Variants in ALPK1 observed in about 807,000 individuals in gnomAD.
ALPK1 encodes the protein alpha-protein kinase 1.
A neutral mutation model predicts 120.6 loss-of-function variants in ALPK1; 110 were observed. That is an observed-to-expected ratio of 0.91 (90% CI 0.78 to 1.07). The LOEUF is 1.07. Ranked by LOEUF, ALPK1 falls within the 50% of genes least tolerant of loss-of-function variation. ALPK1 has a pLI of 0.00. For missense variants in ALPK1, 1,498 were observed against 1,483.9 expected, an observed-to-expected ratio of 1.01 and a Z score of -0.16; for synonymous variants, 582 against 560.3, an observed-to-expected ratio of 1.04 and a Z score of -0.55.
At chr4:112,359,588 C>T in intron 2 of ALPK1, 1 of 250,450 alleles carries the variant, frequency 4.0e-6, no homozygotes, top group Non-Finnish European at 8.0e-6. Context: ...CCCAACCAGA[C>T]CGCTCATGGT....
In ALPK1 at chr4:112,312,091, T is replaced by C. The variant is rs958647232; in HGVS notation, c.-152-3710T>C. 3.3e-5 allele frequency among the ~76,000 whole-genome samples: 5 copies of C among 152,204 alleles called. No individual in the cohort carries two copies. The South Asian group carries it at 8.3e-4, about 25-fold the overall frequency. ...TACTTAGCTAAATTTTGAAAACTTA[T>C]ACTTTTTAAAACTTCATTATAAATA... On this transcript the variant is annotated intron_variant, in intron 1 of 15. Transcript: ENST00000650871.
chr4:112,314,344 G>T (rs974472019), intron 1 of ALPK1, among the ~76,000 whole-genome samples: 9 of 151,704 alleles, frequency 5.9e-5, no homozygotes, highest in African/African-American at 2.2e-4. Flanking sequence ...ATCCATAGAG[G>T]TCCCAGTGGG....
At chr4:112,395,852 C>T (rs1370003473) in intron 4 of ALPK1, among the ~76,000 whole-genome samples, 9 of 152,068 alleles carry the variant, frequency 5.9e-5, no homozygotes, top group African/African-American at 2.2e-4. Context: ...TACAAATTCA[C>T]ATCACTCACA....
At chr4:112,311,260 G>A (rs186538018) in intron 1 of ALPK1, among the ~76,000 whole-genome samples, 45 of 152,296 alleles carry the variant, frequency 3.0e-4, no homozygotes, top group Non-Finnish European at 5.4e-4. Flanking sequence ...CTGTTCACCA[G>A]TGCTGAATAA....
intron 4 of ALPK1, among the ~76,000 whole-genome samples, chr4:112,386,343 G>GA (rs1242692784): frequency 6.6e-6 from 1 of 152,090 alleles, no homozygotes; most frequent in East Asian, 1.9e-4. Flanking sequence ...CGCTCTCCCA[G>GA]AAAAAACACC....
intron 3 of ALPK1, among the ~76,000 whole-genome samples, chr4:112,381,346 G>A (rs1731896632): frequency 6.6e-6 from 1 of 152,142 alleles, no homozygotes; most frequent in Non-Finnish European, 1.5e-5. Context: ...AGATTTATAA[G>A]GGAAAACAGA....
chr4:112,359,423 G>C, intron 2 of ALPK1: 1 of 307,228 alleles, frequency 3.3e-6, no homozygotes, highest in Non-Finnish European at 6.3e-6. Context: ...ACATCCCCCT[G>C]CTGCAGAGGT....
rs1162051016 is a variant in ALPK1 at position 112,441,829 on chromosome 4, A to G, written c.*619A>G. 1.3e-5 allele frequency: 2 copies of G among 152,772 alleles called. No individual in the cohort carries two copies. The highest frequency in any genetic ancestry group is 2.9e-5 in the Non-Finnish European group (2 of 68,496). 9.5% of individuals were successfully genotyped at this position (152,772 alleles called of 1,614,324 possible). ...GTAAAAAGTAAGATGGAAGAGTGGT[A>G]CAGTTTTCTTTATCCAGTCTGTCCT... On this transcript the variant is annotated 3_prime_UTR_variant, in exon 16 of 16. Coordinates refer to ENST00000650871, the MANE Select transcript of ALPK1 (RefSeq NM_025144.4).
rs767713759 is a variant in ALPK1 at position 112,438,523 on chromosome 4, G to C, written c.3228G>C (p.Trp1076Cys). ...GKDYKEQKGL[W>C]HHFTDVERQM... ...ACTATAAGGAGCAGAAGGGGCTCTG[G>C]CACCACTTCACTGATGTGGAGCGAC... The change falls in exon 13 of 16, where the codon TGG (tryptophan) becomes TGC (cysteine). Residue 1076 changes from tryptophan to cysteine, a missense_variant. Trp to Cys is a radical substitution (Grantham distance 215). Transcript: ENST00000650871. The C allele has an allele frequency of 1.9e-6, 3 of 1,613,756 alleles. No individual in the cohort carries two copies. The Admixed American group carries it at 5.0e-5, about 27-fold the overall frequency.
intron 2 of ALPK1, among the ~76,000 whole-genome samples, chr4:112,352,289 C>T (rs1730398971): frequency 6.6e-6 from 1 of 152,196 alleles, no homozygotes; most frequent in South Asian, 2.1e-4. Context: ...ATACCACTTG[C>T]TTTGAAGTCT....
rs1224476747 is a variant in ALPK1, at chr4:112,431,878, ATT to A, written c.2333_2334del (p.Phe778Ter). ...TTAGTGAAAGAGGCGCAGGCCCTAC[ATT>A]TAAAGCTAGTCCCTCCTGGGTTGAC... is the stretch of plus-strand genomic sequence containing the variant. ...EISERGAGPT[F>X]KASPSWVDPE... On this transcript the variant is annotated frameshift_variant, in exon 11 of 16. Transcript: ENST00000650871. LOFTEE classifies it high-confidence loss of function. 1 of 1,613,910 alleles carries A rather than the reference ATT, an allele frequency of 6.2e-7. No homozygotes were observed. The highest frequency in any genetic ancestry group is 8.5e-7 in the Non-Finnish European group (1 of 1,180,048).
chr4:112,369,179 T>A (rs1013430853), intron 2 of ALPK1, among the ~76,000 whole-genome samples: 15 of 152,242 alleles, frequency 9.9e-5, no homozygotes, highest in African/African-American at 3.6e-4. Context: ...TCTACTTTTT[T>A]ATGTTTTTGG....
intron 2 of ALPK1, among the ~76,000 whole-genome samples, chr4:112,350,898 G>T (rs1170646737): frequency 6.6e-6 from 1 of 152,244 alleles, no homozygotes; most frequent in East Asian, 1.9e-4. Context: ...TGGATTTGGG[G>T]ACATATGGGG....
At chr4:112,377,941 C>T in intron 3 of ALPK1, 43 bp downstream of exon 3, 1 of 1,574,970 alleles carries the variant, frequency 6.3e-7, no homozygotes, top group Non-Finnish European at 8.7e-7. Context: ...CCAGCAGGTT[C>T]ACTCTCCTGT....
At chr4:112,429,732 G>A (rs979417344) in intron 10 of ALPK1, among the ~76,000 whole-genome samples, 2 of 151,440 alleles carry the variant, frequency 1.3e-5, no homozygotes, top group Non-Finnish European at 2.9e-5. Flanking sequence ...CCCAGGTACT[G>A]GGGAGGCTGA....
At chr4:112,354,965 C>T (rs1157784088) in intron 2 of ALPK1, among the ~76,000 whole-genome samples, 1 of 152,098 alleles carries the variant, frequency 6.6e-6, no homozygotes, top group Non-Finnish European at 1.5e-5. Context: ...CACACAGACA[C>T]AAACAGAACT....
chr4:112,425,003 C>T (rs1170338825), intron 6 of ALPK1: 1 of 152,408 alleles, frequency 6.6e-6, no homozygotes, highest in Non-Finnish European at 1.5e-5. Context: ...CACACCCAAA[C>T]CCAGCTTACA....
intron 2 of ALPK1, among the ~76,000 whole-genome samples, chr4:112,363,203 A>T (rs1402516126): frequency 6.6e-6 from 1 of 152,234 alleles, no homozygotes; most frequent in Non-Finnish European, 1.5e-5. Flanking sequence ...TATTCAGGTA[A>T]CAAATAGCAT....
chr4:112,357,107 G>GATCCT (rs1730665052), intron 2 of ALPK1: 1 of 1,177,632 alleles, frequency 8.5e-7, no homozygotes, highest in Non-Finnish European at 1.2e-6. Context: ...CTGCCTGGAA[G>GATCCT]GGGCCATCGA....
Sources: gnomAD v4.1 joint callset for allele counts (sites outside exome capture counted in the v4.1 genomes callset) on GRCh38, gnomAD v4.1.1 for gene constraint, MANE v1.5 for transcripts, NCBI Gene and HGNC (gene_info 2026-07-23, HGNC 2026-07-21) for gene names.